The following CHCHD3 variants were observed in gnomAD, a reference collection of about 807,000 sequenced individuals.
CHCHD3 encodes the protein MICOS complex subunit MIC19.
In CHCHD3, 20 loss-of-function variants were observed where a neutral mutation model predicts 38.2. The ratio of observed to expected loss-of-function variants is 0.52; its 90% CI spans 0.37 to 0.76. The LOEUF (loss-of-function observed/expected upper bound fraction) is 0.76. CHCHD3 is among the 30% of genes least tolerant of loss of function. CHCHD3 has a pLI of 0.00. For missense variants in CHCHD3, 245 were observed against 279.2 expected, an observed-to-expected ratio of 0.88 and a Z score of 0.87; for synonymous variants, 82 against 100.0, an observed-to-expected ratio of 0.82 and a Z score of 1.07.
chr7:133,015,734 A>G (rs1813010502), intron 3 of CHCHD3, among the ~76,000 whole-genome samples: 2 of 152,192 alleles, frequency 1.3e-5, no homozygotes, highest in Admixed American at 1.3e-4. Context: ...GATAGATATG[A>G]CCTTGGTGTA....
chr7:132,850,233 T>A (rs1266506446), intron 5 of CHCHD3, among the ~76,000 whole-genome samples: 2 of 152,174 alleles, frequency 1.3e-5, no homozygotes, highest in East Asian at 1.9e-4. Flanking sequence ...TAGCATCAAA[T>A]CTTACCATCT....
chr7:132,931,824 C>G (rs948761011), intron 4 of CHCHD3, among the ~76,000 whole-genome samples: 1 of 152,144 alleles, frequency 6.6e-6, no homozygotes, highest in African/African-American at 2.4e-5. Flanking sequence ...CTCCCCTCCC[C>G]CTACCCCGAC....
At chr7:132,836,457 C>T (rs1807785545) in intron 6 of CHCHD3, among the ~76,000 whole-genome samples, 1 of 151,570 alleles carries the variant, frequency 6.6e-6, no homozygotes, top group Admixed American at 6.6e-5. Context: ...TTTTCTCTTG[C>T]ACTTGTAGAG....
intron 7 of CHCHD3, 27 bp downstream of exon 7, chr7:132,796,415 C>G: frequency 6.2e-7 from 1 of 1,612,346 alleles, no homozygotes; most frequent in Non-Finnish European, 8.5e-7. Flanking sequence ...TGCCCAGTGC[C>G]CCCAGTGGCC....
intron 4 of CHCHD3, chr7:132,972,847 A>T: frequency 1.0e-6 from 1 of 985,138 alleles, no homozygotes; most frequent in Non-Finnish European, 1.2e-6. Flanking sequence ...ATCTGTAAAT[A>T]AGAGATCTAC....
intron 2 of CHCHD3, among the ~76,000 whole-genome samples, chr7:133,032,180 G>C (rs1813521969): frequency 6.6e-6 from 1 of 152,156 alleles, no homozygotes. Flanking sequence ...TTAGTTGGCA[G>C]ACAAATAAAC....
intron 4 of CHCHD3, among the ~76,000 whole-genome samples, chr7:132,899,234 GAGC>G (rs1809602514): frequency 6.6e-6 from 1 of 152,186 alleles, no homozygotes; most frequent in Non-Finnish European, 1.5e-5. Flanking sequence ...AGGAGAGAAG[GAGC>G]AGAAGAAAGC....
intron 3 of CHCHD3, among the ~76,000 whole-genome samples, chr7:132,995,792 A>G (rs1488873915): frequency 6.6e-6 from 1 of 152,206 alleles, no homozygotes; most frequent in African/African-American, 2.4e-5. Context: ...TATTTTTAGT[A>G]TTAACAATTT....
At chr7:132,915,754 C>G (rs1285100021) in intron 4 of CHCHD3, among the ~76,000 whole-genome samples, 2 of 152,070 alleles carry the variant, frequency 1.3e-5, no homozygotes, top group Non-Finnish European at 2.9e-5. Context: ...GAGAAGATTT[C>G]CTATCCCTGA....
chr7:133,052,712 A>G (rs774599910), intron 2 of CHCHD3, among the ~76,000 whole-genome samples: 9 of 152,206 alleles, frequency 5.9e-5, no homozygotes, highest in Non-Finnish European at 1.3e-4. Context: ...CATAGAGACA[A>G]TAACTGAACT....
At position 132,796,540 on chromosome 7, in the gene CHCHD3, C is replaced by T; in HGVS notation, c.562G>A (p.Ala188Thr). ...TCACGGTAACACTGAAGAATTTTGG[C>T]CTGCAGATCAGCACAGACTGGATGA... ...ESHPVCADLQAKILQCYRENT... is the reference protein window; with the variant it reads ...ESHPVCADLQTKILQCYRENT... The change falls in exon 7 of 8, where the codon GCC (alanine) becomes ACC (threonine). Residue 188 changes from alanine to threonine, a missense_variant. Coordinates refer to ENST00000262570, the MANE Select transcript of CHCHD3 (RefSeq NM_017812.4). 6.2e-7 allele frequency: 1 copy of T among 1,613,854 alleles called. No individual in the cohort carries two copies. The highest frequency in any genetic ancestry group is 8.5e-7 in the Non-Finnish European group (1 of 1,179,866).
At chr7:132,963,743 AG>A (rs1261194570) in intron 4 of CHCHD3, among the ~76,000 whole-genome samples, 1 of 151,054 alleles carries the variant, frequency 6.6e-6, no homozygotes, top group Non-Finnish European at 1.5e-5. Flanking sequence ...CTCAGTTGTT[AG>A]TTTTTGCAAT....
At position 133,079,208 on chromosome 7, in the gene CHCHD3, T is replaced by C. The variant is rs118092583; in HGVS notation, c.81+2649A>G. ...TTTGAAGTTCACTTAAGTTCACATATCCATTCTTTTGAACAGCTCTAATAA... is the reference window on the plus strand; with the variant it reads ...TTTGAAGTTCACTTAAGTTCACATACCCATTCTTTTGAACAGCTCTAATAA... On this transcript the variant is annotated intron_variant, in intron 1 of 7. Transcript: ENST00000262570. Among the ~76,000 whole-genome samples the C allele has an allele frequency of 2.4e-4, 37 of 152,346 alleles. No homozygotes were observed. The South Asian group carries it at 3.1e-3, about 13-fold the overall frequency.
At chr7:133,059,510 T>G (rs1814439356) in intron 2 of CHCHD3, among the ~76,000 whole-genome samples, 1 of 152,088 alleles carries the variant, frequency 6.6e-6, no homozygotes, top group African/African-American at 2.4e-5. Flanking sequence ...ACTTGTCAAG[T>G]CTACACAGAT....
chr7:132,872,712 G>A (rs530359136), intron 5 of CHCHD3, among the ~76,000 whole-genome samples: 1 of 152,292 alleles, frequency 6.6e-6, no homozygotes, highest in South Asian at 2.1e-4. Flanking sequence ...AGAAAACCAA[G>A]TATGAATGTT....
At chr7:133,060,019 A>G (rs1262889815) in intron 2 of CHCHD3, among the ~76,000 whole-genome samples, 6 of 152,256 alleles carry the variant, frequency 3.9e-5, no homozygotes, top group Non-Finnish European at 1.5e-5. Context: ...ACAATGAAGT[A>G]CATACTATTA....
At chr7:132,907,673 G>A (rs543825726) in intron 4 of CHCHD3, among the ~76,000 whole-genome samples, 1 of 152,108 alleles carries the variant, frequency 6.6e-6, no homozygotes, top group Non-Finnish European at 1.5e-5. Flanking sequence ...GCCATGGGGG[G>A]GCCGCTAAAG....
chr7:133,072,170 G>GAA (rs10555609), intron 1 of CHCHD3, among the ~76,000 whole-genome samples: 3 of 117,066 alleles, frequency 2.6e-5, no homozygotes, highest in Admixed American at 8.2e-5. Context: ...ACCCTATCTA[G>GAA]AAAAAAAAAA....
At chr7:132,883,213 T>C (rs1043529909) in intron 5 of CHCHD3, among the ~76,000 whole-genome samples, 2 of 152,188 alleles carry the variant, frequency 1.3e-5, no homozygotes, top group Non-Finnish European at 2.9e-5. Context: ...AACAGACTAA[T>C]ACAAACTCTA....
Sources: allele counts gnomAD v4.1 joint callset (sites outside exome capture counted in the v4.1 genomes callset), GRCh38; gene constraint gnomAD v4.1.1; transcripts MANE v1.5; gene names NCBI Gene and HGNC (gene_info 2026-07-23, HGNC 2026-07-21).